The following PDE1C variants were observed in gnomAD, a reference collection of about 807,000 sequenced individuals.
The protein encoded by PDE1C is dual specificity calcium/calmodulin-dependent 3',5'-cyclic nucleotide phosphodiesterase 1C.
PDE1C carries 62 observed loss-of-function variants against 93.1 expected under a neutral mutation model. The ratio of observed to expected loss-of-function variants is 0.67; its 90% CI spans 0.54 to 0.82. PDE1C has a LOEUF of 0.82. Ranked by LOEUF, PDE1C falls within the 40% of genes least tolerant of loss-of-function variation. The pLI, the probability that PDE1C is intolerant of heterozygous loss-of-function variation, is 0.00. For synonymous variants in PDE1C, 325 were observed against 310.1 expected (o/e 1.05, Z -0.50); for missense variants, 742 against 884.6 (o/e 0.84, Z 2.04).
At chr7:31,855,868 T>TC (rs1562927844) in intron 7 of PDE1C, among the ~76,000 whole-genome samples, 1 of 148,326 alleles carries the variant, frequency 6.7e-6, no homozygotes, top group East Asian at 2.0e-4. Context: ...GGCCAAGGGA[T>TC]AGCTTTGGAG....
chr7:32,062,531 C>G (rs1412907966), intron 1 of PDE1C, among the ~76,000 whole-genome samples: 1 of 152,202 alleles, frequency 6.6e-6, no homozygotes, highest in Non-Finnish European at 1.5e-5. Flanking sequence ...CTCTACTTAA[C>G]TACAATTTAC....
intron 2 of PDE1C, among the ~76,000 whole-genome samples, chr7:32,190,672 A>G (rs567710011): frequency 1.4e-4 from 21 of 152,302 alleles, no homozygotes; most frequent in African/African-American, 5.1e-4. Context: ...TTAAACAAAC[A>G]TTTATTGAAC....
chr7:32,370,540 G>A (rs1250603167), intron 1 of PDE1C, among the ~76,000 whole-genome samples: 2 of 151,478 alleles, frequency 1.3e-5, no homozygotes, highest in Non-Finnish European at 2.9e-5. Context: ...CACAAGGACA[G>A]GAAACCAAAC....
intron 17 of PDE1C, among the ~76,000 whole-genome samples, chr7:31,754,693 C>A (rs1049988967): frequency 1.3e-5 from 2 of 152,082 alleles, no homozygotes; most frequent in African/African-American, 4.8e-5. Flanking sequence ...AAGGACATAA[C>A]TATAGAGATG....
intron 2 of PDE1C, among the ~76,000 whole-genome samples, chr7:31,996,335 C>A (rs955334488): frequency 2.0e-5 from 3 of 146,626 alleles, no homozygotes; most frequent in African/African-American, 7.4e-5. Context: ...TAATAAAGAT[C>A]ACCCACAATG....
At chr7:31,874,381 T>G (rs1286473620) in intron 5 of PDE1C, among the ~76,000 whole-genome samples, 1 of 152,170 alleles carries the variant, frequency 6.6e-6, no homozygotes, top group East Asian at 1.9e-4. Context: ...TCACTTCCCG[T>G]GGTTAGGTGA....
intron 1 of PDE1C, among the ~76,000 whole-genome samples, chr7:32,419,136 G>A (rs544146691): frequency 6.6e-6 from 1 of 152,260 alleles, no homozygotes; most frequent in Middle Eastern, 3.4e-3. Context: ...CAGGTTCAAG[G>A]AGTTTAAAGT....
rs905895857 is a variant in PDE1C, at chr7:31,849,379, C to T, written c.851+1262G>A. ...TTAAACAGTGCTACTCTATGGAATT[C>T]CCTGTATTAAAGGGAATTCTGTTCC... is the stretch of plus-strand genomic sequence containing the variant. On this transcript the variant is annotated intron_variant, in intron 8 of 17. Coordinates refer to ENST00000396191, the MANE Select transcript of PDE1C (RefSeq NM_001191057.4). Among the ~76,000 whole-genome samples, 2 of 152,146 alleles carry T rather than the reference C, an allele frequency of 1.3e-5. 1 individual carries two copies. The highest frequency in any genetic ancestry group is 4.8e-5 in the African/African-American group (2 of 41,428).
At chr7:31,685,732 T>G in the PDE1C span, among the ~76,000 whole-genome samples, 1 of 152,284 alleles carries the variant, frequency 6.6e-6, no homozygotes, top group East Asian at 1.9e-4. Flanking sequence ...ATTTAAAAAA[T>G]GAAGAAGATA....
At chr7:32,094,742 T>C (rs1174614509) in intron 3 of PDE1C, among the ~76,000 whole-genome samples, 1 of 152,180 alleles carries the variant, frequency 6.6e-6, no homozygotes, top group Non-Finnish European at 1.5e-5. Context: ...AGGCTTTCAG[T>C]GGTTTCCTAT....
At chr7:32,092,852 T>A (rs6949377) in intron 3 of PDE1C, among the ~76,000 whole-genome samples, 94,516 of 152,084 alleles carry the variant, frequency 0.62, 29,752 homozygotes, top group African/African-American at 0.71. Flanking sequence ...TCTACACAAC[T>A]TGTAGTTGTG....
chr7:32,056,702 A>T (rs746351099), intron 1 of PDE1C, among the ~76,000 whole-genome samples: 15 of 152,228 alleles, frequency 9.9e-5, no homozygotes, highest in Non-Finnish European at 1.8e-4. Flanking sequence ...TACTAAAAAC[A>T]GTAGTATTGC....
rs149361308 is a variant in PDE1C, at chr7:32,010,027, T to C, written c.128+41527A>G. On this transcript the variant is annotated intron_variant, in intron 2 of 17. Coordinates refer to ENST00000396191, the MANE Select transcript of PDE1C (RefSeq NM_001191057.4). Reference sequence around the variant, plus strand: ...AAAACATCGCTGAAACTAAACAACATCTAAAATAATGTTGAGATACACCTA... The same window carrying C: ...AAAACATCGCTGAAACTAAACAACACCTAAAATAATGTTGAGATACACCTA... Among the ~76,000 whole-genome samples the C allele has an allele frequency of 3.5e-3, 540 of 152,292 alleles. 4 individuals carry two copies. The highest frequency in any genetic ancestry group is 0.01 in the Middle Eastern group (3 of 294).
At chr7:31,956,247 C>A (rs367806565) in intron 2 of PDE1C, among the ~76,000 whole-genome samples, 2 of 152,210 alleles carry the variant, frequency 1.3e-5, no homozygotes, top group South Asian at 4.1e-4. Context: ...GCGTGCACCA[C>A]CACGCCCAGC....
chr7:32,162,098 CA>C (rs1801962221), intron 3 of PDE1C, among the ~76,000 whole-genome samples: 1 of 152,108 alleles, frequency 6.6e-6, no homozygotes, highest in Non-Finnish European at 1.5e-5. Flanking sequence ...ACAATGAAAA[CA>C]ATCATATTTT....
chr7:32,090,892 G>C (rs1383140590), intron 3 of PDE1C, among the ~76,000 whole-genome samples: 1 of 152,180 alleles, frequency 6.6e-6, no homozygotes, highest in South Asian at 2.1e-4. Context: ...TGTTAACCTA[G>C]TTTGCTCTTT....
chr7:31,724,891 C>A, the PDE1C span, among the ~76,000 whole-genome samples: 2 of 152,150 alleles, frequency 1.3e-5, no homozygotes, highest in African/African-American at 4.8e-5. Context: ...GGTGAATTAG[C>A]ACTCTGGAAT....
intron 3 of PDE1C, among the ~76,000 whole-genome samples, chr7:32,131,997 C>T (rs1445401564): frequency 6.6e-6 from 1 of 152,038 alleles, no homozygotes; most frequent in Non-Finnish European, 1.5e-5. Context: ...ATTTAACAGA[C>T]AATGATTGTT....
intron 2 of PDE1C, among the ~76,000 whole-genome samples, chr7:31,954,772 C>G (rs917859105): frequency 6.6e-6 from 1 of 152,084 alleles, no homozygotes; most frequent in African/African-American, 2.4e-5. Flanking sequence ...CATATGATGC[C>G]ACCAAAAAGG....
Sources: allele counts gnomAD v4.1 joint callset (sites outside exome capture counted in the v4.1 genomes callset), GRCh38; gene constraint gnomAD v4.1.1; transcripts MANE v1.5; gene names NCBI Gene and HGNC (gene_info 2026-07-23, HGNC 2026-07-21).